TSHZ3: variants seen among roughly 807,000 people sequenced by gnomAD.
TSHZ3 encodes teashirt homolog 3.
In TSHZ3, 10 loss-of-function variants were observed where a neutral mutation model predicts 64.5. The ratio of observed to expected loss-of-function variants is 0.16; its 90% CI spans 0.10 to 0.26. The LOEUF is 0.26. Ranked by LOEUF, TSHZ3 falls within the 10% of genes least tolerant of loss-of-function variation. TSHZ3 has a pLI of 1.00. For synonymous variants in TSHZ3, 608 were observed against 593.1 expected, an observed-to-expected ratio of 1.03 and a Z score of -0.36; for missense variants, 1,242 against 1,421.7, an observed-to-expected ratio of 0.87 and a Z score of 2.03.
chr19:31,280,588 T>C (rs1309852561), intron 1 of TSHZ3, among the ~76,000 whole-genome samples: 1 of 152,246 alleles, frequency 6.6e-6, no homozygotes, highest in Admixed American at 6.5e-5. Context: ...ATTCCTGATG[T>C]ATAAATATAT....
chr19:31,217,455 C>T (rs892619293), intron 4 of TSHZ3, among the ~76,000 whole-genome samples: 1 of 151,916 alleles, frequency 6.6e-6, no homozygotes, highest in East Asian at 1.9e-4. Flanking sequence ...AAAGGGAGGT[C>T]GTAATCTAAT....
At chr19:31,224,121 A>T (rs1194050758) in intron 4 of TSHZ3, among the ~76,000 whole-genome samples, 1 of 152,192 alleles carries the variant, frequency 6.6e-6, no homozygotes, top group Non-Finnish European at 1.5e-5. Context: ...ACTGGCACGG[A>T]GATATAACTT....
chr19:31,278,480 A>G lies in TSHZ3; in HGVS notation c.1313T>C (p.Leu438Pro). 6.2e-7 allele frequency: 1 copy of G among 1,614,154 alleles called. No homozygotes were observed. The highest frequency in any genetic ancestry group is 8.5e-7 in the Non-Finnish European group (1 of 1,180,038). ...GGGCACGGACTGGACCTTCTCATCC[A>G]GCAGGGTTGTGATGGTAGGTGTGAC... ...TPVTPTITTLLDEKVQSVPLA... is the reference protein window; with the variant it reads ...TPVTPTITTLPDEKVQSVPLA... Residue 438 changes from leucine (L) to proline (P), a missense_variant, in exon 2 of 2, where the codon CTG becomes CCG. Transcript: ENST00000240587. This position sits in a 1 kb window ranked among gnomAD's most constrained non-coding sequence, Gnocchi z 4.7.
chr19:31,277,006 G>A lies in TSHZ3; in HGVS notation c.2787C>T (p.Pro929=). 6.2e-7 allele frequency: 1 copy of A among 1,612,838 alleles called. No individual in the cohort carries two copies. Among genetic ancestry groups the A allele is most frequent in the Non-Finnish European group, 8.5e-7 (1 of 1,179,090 alleles). ...EGKYIMSDLS[P]QERMHISRFT... Reference sequence around the variant, plus strand: ...ACCTGGAGATATGCATCCGCTCCTGGGGGCTCAGGTCTGACATGATGTACT... The same window carrying A: ...ACCTGGAGATATGCATCCGCTCCTGAGGGCTCAGGTCTGACATGATGTACT... The change falls in exon 2 of 2, where the codon CCC becomes CCT. Residue 929 remains proline (P), a synonymous_variant. Coordinates refer to ENST00000240587, the MANE Select transcript of TSHZ3 (RefSeq NM_020856.4). This position sits in a 1 kb window ranked among gnomAD's most constrained non-coding sequence, Gnocchi z 4.5.
At chr19:31,229,154 A>G (rs1378688324) in intron 3 of TSHZ3, among the ~76,000 whole-genome samples, 2 of 152,230 alleles carry the variant, frequency 1.3e-5, no homozygotes, top group Non-Finnish European at 1.5e-5. Context: ...GTATAAGTCT[A>G]TTATAATTCC....
chr19:31,266,971 A>G (rs947517084), intron 1 of TSHZ3, among the ~76,000 whole-genome samples: 6 of 152,166 alleles, frequency 3.9e-5, no homozygotes, highest in Non-Finnish European at 8.8e-5. Context: ...GGCCCAAGGA[A>G]GTGCTCCTGG....
downstream of TSHZ3, among the ~76,000 whole-genome samples, chr19:31,274,711 G>A (rs1976195941): frequency 6.6e-6 from 1 of 151,810 alleles, no homozygotes; most frequent in Non-Finnish European, 1.5e-5. Flanking sequence ...TTCCTTTCTT[G>A]TGAATGTTTA....
chr19:31,269,111 C>A (rs1244902927), intron 1 of TSHZ3, among the ~76,000 whole-genome samples: 3 of 152,086 alleles, frequency 2.0e-5, no homozygotes, highest in Admixed American at 6.5e-5. Context: ...GCTGTCATAG[C>A]AGCCCTTCAA....
At chr19:31,281,705 T>G (rs2063944326) in intron 1 of TSHZ3, among the ~76,000 whole-genome samples, 1 of 152,160 alleles carries the variant, frequency 6.6e-6, no homozygotes, top group Non-Finnish European at 1.5e-5. Context: ...CTAGCCACAG[T>G]GAAGACTGTG....
At chr19:31,208,265 G>A (rs1975213304) in intron 4 of TSHZ3, among the ~76,000 whole-genome samples, 1 of 152,328 alleles carries the variant, frequency 6.6e-6, no homozygotes, top group African/African-American at 2.4e-5. Flanking sequence ...GCAGCTCCAG[G>A]CCTCTAGACT....
rs61747224 is a variant in TSHZ3 at position 31,278,039 on chromosome 19, G to A, written c.1754C>T (p.Pro585Leu). 1.5e-3 allele frequency: 2,359 copies of A among 1,613,060 alleles called. 16 individuals carry two copies. Among genetic ancestry groups the A allele is most frequent in the African/African-American group, 0.011 (854 of 75,010 alleles). ...AGAGACCAGGGTCTGGTTTTTCGTC[G>A]GGGAGACAATCTCACTGTTGCCAAA... The part of the protein sequence containing the change: ...PMFGNSEIVS[P>L]TKNQTLVSPP... The change falls in exon 2 of 2, where the codon CCG becomes CTG. Residue 585 changes from proline (P) to leucine (L), a missense_variant. Physicochemically the swap from Pro to Leu is moderately conservative, Grantham distance 98 (BLOSUM62 -3). Coordinates refer to ENST00000240587, the MANE Select transcript of TSHZ3 (RefSeq NM_020856.4). The surrounding 1 kb of genome is among the most constrained non-coding windows in gnomAD (Gnocchi z 4.7).
At chr19:31,215,610 C>T (rs1390734358) in intron 4 of TSHZ3, among the ~76,000 whole-genome samples, 5 of 152,202 alleles carry the variant, frequency 3.3e-5, no homozygotes, top group Admixed American at 6.5e-5. Flanking sequence ...TGGTGGCTCA[C>T]GCCTATAATC....
chr19:31,343,394 T>A (rs1156400613), intron 1 of TSHZ3, among the ~76,000 whole-genome samples: 1 of 149,126 alleles, frequency 6.7e-6, no homozygotes, highest in Admixed American at 6.8e-5. Context: ...ACTATTCTTG[T>A]TGAAATGCTA....
intron 1 of TSHZ3, among the ~76,000 whole-genome samples, chr19:31,289,569 G>A (rs1976526868): frequency 6.6e-6 from 1 of 152,180 alleles, no homozygotes; most frequent in Non-Finnish European, 1.5e-5. Context: ...TAGGAAGGTA[G>A]CGGGCAGGAC....
At chr19:31,247,830 A>G (rs1337275628) in intron 1 of TSHZ3, among the ~76,000 whole-genome samples, 1 of 150,306 alleles carries the variant, frequency 6.7e-6, no homozygotes, top group Non-Finnish European at 1.5e-5. Flanking sequence ...CAGAAAAATT[A>G]AAGTGCGTGT....
chr19:31,182,212 C>A (rs148086361), intron 5 of TSHZ3, among the ~76,000 whole-genome samples: 4 of 152,176 alleles, frequency 2.6e-5, no homozygotes, highest in African/African-American at 9.7e-5. Context: ...GCATTGAGAG[C>A]AGGTTCAAGC....
intron 3 of TSHZ3, among the ~76,000 whole-genome samples, chr19:31,234,678 T>C (rs535467444): frequency 2.6e-5 from 4 of 152,234 alleles, no homozygotes; most frequent in Admixed American, 2.6e-4. Flanking sequence ...ATATGTGAAA[T>C]TGCTTTGATT....
At position 31,276,629 on chromosome 19, in the gene TSHZ3, G is replaced by T. The variant is rs2145210697; in HGVS notation, c.3164C>A (p.Ala1055Asp). 1 of 1,611,164 alleles carries T rather than the reference G, an allele frequency of 6.2e-7. No homozygotes were observed. The highest frequency in any genetic ancestry group is 1.1e-5 in the South Asian group (1 of 90,882). ...LCNRTFASKHAVKLHLSKTHG... is the reference protein window; with the variant it reads ...LCNRTFASKHDVKLHLSKTHG... ...TGTTTTGCTAAGGTGAAGTTTAACA[G>T]CGTGCTTGCTGGCAAAGGTCCGATT... is the stretch of plus-strand genomic sequence containing the variant. Residue 1055 changes from alanine to aspartate, a missense_variant, in exon 2 of 2, where the codon GCT becomes GAT. By Grantham distance (126) the Ala-to-Asp change is moderately radical. Coordinates refer to ENST00000240587, the MANE Select transcript of TSHZ3 (RefSeq NM_020856.4).
chr19:31,284,520 C>T (rs140667804), intron 1 of TSHZ3, among the ~76,000 whole-genome samples: 2 of 152,296 alleles, frequency 1.3e-5, no homozygotes, highest in Non-Finnish European at 2.9e-5. Context: ...ACCATTTGCC[C>T]GGTTCCCCTC....
Sources: allele counts gnomAD v4.1 joint callset (sites outside exome capture counted in the v4.1 genomes callset), GRCh38; gene constraint gnomAD v4.1.1; non-coding constraint Gnocchi (gnomAD v3.1); transcripts MANE v1.5; gene names NCBI Gene and HGNC (gene_info 2026-07-23, HGNC 2026-07-21).